The following GOLGA4 variants were observed in gnomAD, a reference collection of about 807,000 sequenced individuals.
GOLGA4 encodes the protein golgin A4, also known as golgin subfamily A member 4.
In GOLGA4, 169 loss-of-function variants were observed where a neutral mutation model predicts 265.9. The ratio of observed to expected loss-of-function variants is 0.64; its 90% CI spans 0.56 to 0.72. The LOEUF is 0.72. Ranked by LOEUF, GOLGA4 falls within the 30% of genes least tolerant of loss-of-function variation. The pLI is 0.00. For synonymous variants in GOLGA4, 923 were observed against 855.8 expected (o/e 1.08, Z -1.37); for missense variants, 2,482 against 2,483.4 (o/e 1.00, Z 0.01).
chr3:37,273,515 A>T (rs149294575), intron 2 of GOLGA4: 58 of 1,394,178 alleles, frequency 4.2e-5, no homozygotes, highest in Non-Finnish European at 5.6e-5. Context: ...TTGCTTTACA[A>T]TGTTTCTTTC....
At chr3:37,310,735 GTT>G (rs1036780885) in intron 10 of GOLGA4, among the ~76,000 whole-genome samples, 1 of 146,062 alleles carries the variant, frequency 6.8e-6, no homozygotes, top group South Asian at 2.2e-4. Context: ...GTGTGTGTGT[GTT>G]TTTTTTTTTA....
chr3:37,272,333 C>T (rs925985698), intron 2 of GOLGA4, among the ~76,000 whole-genome samples: 4 of 152,026 alleles, frequency 2.6e-5, no homozygotes, highest in Non-Finnish European at 4.4e-5. Flanking sequence ...GGCAGATCAC[C>T]TGAGACCAGC....
chr3:37,315,456 A>G lies in GOLGA4; in HGVS notation c.1271A>G (p.Gln424Arg), dbSNP rs1161292543. Residue 424 changes from glutamine to arginine, a missense_variant, in exon 11 of 24, where the codon CAA becomes CGA. Coordinates refer to ENST00000361924, the MANE Select transcript of GOLGA4 (RefSeq NM_002078.5). ...EELEKALSTAQKTEEARRKLK... is the reference protein window; with the variant it reads ...EELEKALSTARKTEEARRKLK... ...CTTGAAAAAGCTTTGAGTACAGCCC[A>G]AAAAACAGAGGAAGCACGGAGAAAA... 6.2e-7 allele frequency: 1 copy of G among 1,613,892 alleles called. No homozygotes were observed. The highest frequency in any genetic ancestry group is 8.5e-7 in the Non-Finnish European group (1 of 1,179,826).
intron 11 of GOLGA4, 149 bp from the exon 12 acceptor site, chr3:37,318,914 C>G (rs1451451570): frequency 2.0e-6 from 1 of 510,418 alleles, no homozygotes; most frequent in African/African-American, 2.0e-5. Context: ...TGACTTTGAT[C>G]TATGCAGGAA....
At chr3:37,354,749 T>C (rs2097085724) in intron 21 of GOLGA4, among the ~76,000 whole-genome samples, 1 of 152,084 alleles carries the variant, frequency 6.6e-6, no homozygotes, top group South Asian at 2.1e-4. Flanking sequence ...TTAGAACATA[T>C]GTTTTGGCAA....
At chr3:37,305,208 T>G (rs1264804292) in intron 10 of GOLGA4, among the ~76,000 whole-genome samples, 1 of 152,206 alleles carries the variant, frequency 6.6e-6, no homozygotes, top group Non-Finnish European at 1.5e-5. Flanking sequence ...TGTGAGCCAC[T>G]GCGCCCTGCC....
At chr3:37,341,656 G>C (rs1475606129) in intron 20 of GOLGA4, 1 of 152,098 alleles carries the variant, frequency 6.6e-6, no homozygotes, top group Non-Finnish European at 1.5e-5. Context: ...TCAGCCTACA[G>C]CCATACCACC....
At chr3:37,275,880 C>T in intron 2 of GOLGA4, 1 of 1,613,756 alleles carries the variant, frequency 6.2e-7, no homozygotes, top group South Asian at 1.1e-5. Flanking sequence ...GAGGAAGTTA[C>T]ATCTTTGGCA....
At chr3:37,250,795 GT>G (rs2096731690) in intron 1 of GOLGA4, among the ~76,000 whole-genome samples, 1 of 152,022 alleles carries the variant, frequency 6.6e-6, no homozygotes, top group African/African-American at 2.4e-5. Context: ...TGCGCTGAGG[GT>G]TATAGGAGTC....
At position 37,243,360 on chromosome 3, in the gene GOLGA4, C is replaced by CGCGGCG. The variant is rs1578298084; in HGVS notation, c.-184_-179dup. ...GCCAGTGGCACCCGGAAGAAAGAGA[C>CGCGGCG]GCGGCGGCGGCGACGCCGACACCCT... On this transcript the variant is annotated 5_prime_UTR_variant, in exon 1 of 24. Transcript: ENST00000361924. The CGCGGCG allele has an allele frequency of 1.7e-6, 1 of 579,194 alleles. No homozygotes were observed. The highest frequency in any genetic ancestry group is 3.1e-6 in the Non-Finnish European group (1 of 322,852). 35.9% of individuals were successfully genotyped at this position (579,194 alleles called of 1,614,324 possible).
chr3:37,339,449 A>G (rs2097025566), intron 19 of GOLGA4, among the ~76,000 whole-genome samples: 1 of 152,140 alleles, frequency 6.6e-6, no homozygotes, highest in African/African-American at 2.4e-5. Flanking sequence ...CAGTAATTCT[A>G]TGTTTAACTT....
chr3:37,336,100 T>G (rs1035240962), intron 17 of GOLGA4, among the ~76,000 whole-genome samples: 1 of 152,172 alleles, frequency 6.6e-6, no homozygotes, highest in African/African-American at 2.4e-5. Flanking sequence ...ATAAAGAGCT[T>G]TGCTACTCTG....
intron 2 of GOLGA4, among the ~76,000 whole-genome samples, chr3:37,268,822 G>C (rs1012134153): frequency 2.6e-5 from 4 of 152,148 alleles, no homozygotes. Context: ...CACCTGCCTC[G>C]GCCTCCTGAA....
chr3:37,285,526 A>C (rs2096846096), intron 3 of GOLGA4, among the ~76,000 whole-genome samples: 1 of 152,238 alleles, frequency 6.6e-6, no homozygotes, highest in Non-Finnish European at 1.5e-5. Context: ...TTTAGAAATC[A>C]ATTACATGAT....
At chr3:37,321,948 G>C in intron 13 of GOLGA4, 62 bp downstream of exon 13, 2 of 1,351,432 alleles carry the variant, frequency 1.5e-6, no homozygotes, top group South Asian at 2.7e-5. Flanking sequence ...AAAATTTGTT[G>C]TCTCTAGTCA....
At chr3:37,316,124 T>G (rs753006599) in intron 11 of GOLGA4, among the ~76,000 whole-genome samples, 22 of 152,120 alleles carry the variant, frequency 1.4e-4, no homozygotes, top group Non-Finnish European at 2.9e-4. Flanking sequence ...GATTTTCAAT[T>G]TTTCAGAAAT....
At chr3:37,341,209 A>T (rs1011344646) in intron 20 of GOLGA4, among the ~76,000 whole-genome samples, 1 of 152,152 alleles carries the variant, frequency 6.6e-6, no homozygotes, top group African/African-American at 2.4e-5. Flanking sequence ...GGCCCAAAGG[A>T]TTTTAAAGAT....
chr3:37,334,356 T>C (rs2097002056), intron 16 of GOLGA4, among the ~76,000 whole-genome samples: 1 of 152,218 alleles, frequency 6.6e-6, no homozygotes, highest in Non-Finnish European at 1.5e-5. Context: ...ACCAGCACGT[T>C]GGACAGTAAC....
Position 37,325,544 on chromosome 3 carries a change from T to A in GOLGA4, c.3658T>A (p.Cys1220Ser). ...SEELAIQLDI[C>S]CKKTEALLEA... is the part of the protein sequence containing the mutation. ...GGAACTAGCGATTCAGCTAGATATT[T>A]GCTGTAAGAAAACCGAAGCCTTATT... The change falls in exon 14 of 24, where the codon TGC becomes AGC. Residue 1220 changes from cysteine (C) to serine (S), a missense_variant. Physicochemically the swap from Cys to Ser is moderately radical, Grantham distance 112. Coordinates refer to ENST00000361924, the MANE Select transcript of GOLGA4 (RefSeq NM_002078.5). The A allele has an allele frequency of 6.2e-7, 1 of 1,613,840 alleles. No homozygotes were observed. Among genetic ancestry groups the A allele is most frequent in the South Asian group, 1.1e-5 (1 of 91,040 alleles).
Sources: gnomAD v4.1 joint callset for allele counts (sites outside exome capture counted in the v4.1 genomes callset) on GRCh38, gnomAD v4.1.1 for gene constraint, MANE v1.5 for transcripts, NCBI Gene and HGNC (gene_info 2026-07-23, HGNC 2026-07-21) for gene names.